The following SULT1B1 variants were observed in gnomAD, a reference collection of about 807,000 sequenced individuals.
SULT1B1 encodes the protein sulfotransferase family 1B member 1.
Under a neutral mutation model 34.6 loss-of-function variants are expected in SULT1B1, and 28 were observed. That is an observed-to-expected ratio of 0.81 (90% CI 0.60 to 1.11). The LOEUF is 1.11. SULT1B1 is among the 50% of genes least tolerant of loss of function. SULT1B1 has a pLI of 0.00. For synonymous variants in SULT1B1, 147 were observed against 110.2 expected, an observed-to-expected ratio of 1.33 and a Z score of -2.09; for missense variants, 374 against 352.2, an observed-to-expected ratio of 1.06 and a Z score of -0.50.
intron 4 of SULT1B1, among the ~76,000 whole-genome samples, chr4:69,734,942 C>T (rs548674916): frequency 3.3e-5 from 5 of 151,694 alleles, no homozygotes; most frequent in East Asian, 3.9e-4. Context: ...CCTCAGCCTC[C>T]GGAGTAGCTG....
chr4:69,725,430 A>T lies in SULT1B1; in HGVS notation c.*1658T>A, dbSNP rs1717796534. 6.6e-6 allele frequency: 1 copy of T among 152,226 alleles called. No individual in the cohort carries two copies. The highest frequency in any genetic ancestry group is 2.4e-5 in the African/African-American group (1 of 41,456). 9.4% of individuals were successfully genotyped at this position (152,226 alleles called of 1,614,324 possible). On this transcript the variant is annotated 3_prime_UTR_variant, in exon 8 of 8. Coordinates refer to ENST00000310613, the MANE Select transcript of SULT1B1 (RefSeq NM_014465.4). Reference sequence around the variant, plus strand: ...ACTTTTACACTTTTGGTGGGAGTGTAAACTAGTTCAACCATTGTGGAAGAC... The same window carrying T: ...ACTTTTACACTTTTGGTGGGAGTGTTAACTAGTTCAACCATTGTGGAAGAC...
At chr4:69,737,024 G>GA (rs144914746) in intron 4 of SULT1B1, among the ~76,000 whole-genome samples, 52 of 143,986 alleles carry the variant, frequency 3.6e-4, no homozygotes, top group African/African-American at 7.9e-4. Context: ...TCAAAAAAAG[G>GA]AAAAAAAAAA....
At position 69,749,798 on chromosome 4, in the gene SULT1B1, T is replaced by C; in HGVS notation, c.298A>G (p.Asn100Asp). 6.2e-7 allele frequency: 1 copy of C among 1,613,422 alleles called. No individual in the cohort carries two copies. Among genetic ancestry groups the C allele is most frequent in the Non-Finnish European group, 8.5e-7 (1 of 1,179,444 alleles). ...GTTTTCACAATCCGGGGTGATGGATTCTTCTCCAATTGTTCTATACCTGAG... is the reference window on the plus strand; with the variant it reads ...GTTTTCACAATCCGGGGTGATGGATCCTTCTCCAATTGTTCTATACCTGAG... ...RTSGIEQLEK[N>D]PSPRIVKTHL... The change falls in exon 4 of 8, where the codon AAT becomes GAT. Residue 100 changes from asparagine (N) to aspartate (D), a missense_variant. Transcript: ENST00000310613.
chr4:69,760,387 G>T (rs965311581), intron 1 of SULT1B1, 72 bp downstream of exon 1: 23 of 192,824 alleles, frequency 1.2e-4, no homozygotes, highest in South Asian at 5.3e-4. Flanking sequence ...AACAGAAATT[G>T]TTCTGAGGCA....
intron 1 of SULT1B1, 44 bp from the exon 2 acceptor site, chr4:69,755,305 T>C (rs1719147385): frequency 1.4e-6 from 2 of 1,477,428 alleles, no homozygotes; most frequent in East Asian, 4.6e-5. Context: ...GAGTAACTAA[T>C]GTTGGTCTTA....
intron 1 of SULT1B1, chr4:69,758,433 C>G (rs1560533473): frequency 1.0e-6 from 1 of 985,166 alleles, no homozygotes; most frequent in Non-Finnish European, 1.2e-6. Flanking sequence ...TGAAATAGCT[C>G]TTTCTGAAAC....
chr4:69,738,068 G>A (rs1451811173), intron 4 of SULT1B1, among the ~76,000 whole-genome samples: 3 of 152,062 alleles, frequency 2.0e-5, no homozygotes, highest in South Asian at 2.1e-4. Flanking sequence ...TTGTGTCCAC[G>A]TATACTCAAG....
chr4:69,744,822 G>C (rs971870682), intron 4 of SULT1B1, among the ~76,000 whole-genome samples: 1 of 152,132 alleles, frequency 6.6e-6, no homozygotes. Flanking sequence ...ATGTTAGGTT[G>C]TTAATGTGAG....
chr4:69,739,105 G>C lies in SULT1B1; in HGVS notation c.376-4841C>G, dbSNP rs567236382. ...CCTGGCTGCTTTCACAGCTGGTGTT[G>C]AGTGTGTACAGCTTTTCCAAGTGCA... On this transcript the variant is annotated intron_variant, in intron 4 of 7. Coordinates refer to ENST00000310613, the MANE Select transcript of SULT1B1 (RefSeq NM_014465.4). Among the ~76,000 whole-genome samples the C allele has an allele frequency of 1.3e-4, 20 of 152,304 alleles. 1 individual carries two copies. Among genetic ancestry groups the C allele is most frequent in the Admixed American group, 1.1e-3 (17 of 15,300 alleles).
intron 4 of SULT1B1, among the ~76,000 whole-genome samples, chr4:69,734,770 G>A (rs1314736255): frequency 1.3e-5 from 2 of 151,816 alleles, no homozygotes; most frequent in African/African-American, 4.8e-5. Context: ...AAATAAGTTT[G>A]GGGGCATCCA....
intron 4 of SULT1B1, among the ~76,000 whole-genome samples, chr4:69,747,692 G>A (rs1190090540): frequency 6.6e-6 from 1 of 152,128 alleles, no homozygotes; most frequent in African/African-American, 2.4e-5. Context: ...CAATTCTCTG[G>A]GAAGTTCTCC....
At chr4:69,738,513 C>G (rs559199860) in intron 4 of SULT1B1, among the ~76,000 whole-genome samples, 20 of 152,296 alleles carry the variant, frequency 1.3e-4, no homozygotes, top group Non-Finnish European at 2.4e-4. Context: ...AACTCACTCA[C>G]TATCATGAGA....
At chr4:69,759,341 G>T (rs574644151) in intron 1 of SULT1B1, among the ~76,000 whole-genome samples, 2 of 152,176 alleles carry the variant, frequency 1.3e-5, no homozygotes, top group Non-Finnish European at 2.9e-5. Context: ...AAAAATGTCC[G>T]TGATTTATCT....
At chr4:69,751,619 T>A (rs938391019) in intron 3 of SULT1B1, among the ~76,000 whole-genome samples, 19 of 152,032 alleles carry the variant, frequency 1.2e-4, no homozygotes, top group Non-Finnish European at 2.6e-4. Context: ...GCCCGGCTAA[T>A]TTTTTGTATA....
intron 1 of SULT1B1, among the ~76,000 whole-genome samples, chr4:69,756,172 G>A (rs1367962750): frequency 6.6e-6 from 1 of 152,024 alleles, no homozygotes; most frequent in South Asian, 2.1e-4. Flanking sequence ...AGCATACTAA[G>A]TACGGTTATA....
In SULT1B1 at chr4:69,726,179, A is replaced by T. The variant is rs762544584; in HGVS notation, c.*909T>A. ...ATTGGGTCAAGAGGGCAGAGTGGAGATTCAGCCTAGAGAGTCTTCCTTGGG... is the reference window on the plus strand; with the variant it reads ...ATTGGGTCAAGAGGGCAGAGTGGAGTTTCAGCCTAGAGAGTCTTCCTTGGG... On this transcript the variant is annotated 3_prime_UTR_variant, in exon 8 of 8. Coordinates refer to ENST00000310613, the MANE Select transcript of SULT1B1 (RefSeq NM_014465.4). The T allele has an allele frequency of 1.3e-5, 2 of 149,818 alleles. No homozygotes were observed. The highest frequency in any genetic ancestry group is 6.7e-5 in the Admixed American group (1 of 14,926). The allele number at this position is 149,818 out of a possible 1,614,324, so 9.3% of individuals were successfully genotyped here.
chr4:69,750,070 G>A (rs1718920285), intron 3 of SULT1B1, among the ~76,000 whole-genome samples: 1 of 152,108 alleles, frequency 6.6e-6, no homozygotes, highest in South Asian at 2.1e-4. Context: ...CACTTTGAAA[G>A]TATCTCAGAA....
At chr4:69,733,144 T>C (rs1456575193) in intron 6 of SULT1B1, among the ~76,000 whole-genome samples, 2 of 152,160 alleles carry the variant, frequency 1.3e-5, no homozygotes, top group Non-Finnish European at 2.9e-5. Flanking sequence ...TGTAAGCATG[T>C]GATATCCTGG....
In SULT1B1 at chr4:69,726,333, A is replaced by T. The variant is rs1462981599; in HGVS notation, c.*755T>A. 6.6e-6 allele frequency: 1 copy of T among 151,648 alleles called. No individual in the cohort carries two copies. The highest frequency in any genetic ancestry group is 1.9e-4 in the East Asian group (1 of 5,136). 9.4% of individuals were successfully genotyped at this position (151,648 alleles called of 1,614,324 possible). On this transcript the variant is annotated 3_prime_UTR_variant, in exon 8 of 8. Transcript: ENST00000310613. ...AGTTCCCAAATGGTGACCAGAACACAGCAGTAGGTGATTTCTCTGAAGTTC... is the reference window on the plus strand; with the variant it reads ...AGTTCCCAAATGGTGACCAGAACACTGCAGTAGGTGATTTCTCTGAAGTTC...
Sources: gnomAD v4.1 joint callset for allele counts (sites outside exome capture counted in the v4.1 genomes callset) on GRCh38, gnomAD v4.1.1 for gene constraint, MANE v1.5 for transcripts, NCBI Gene and HGNC (gene_info 2026-07-23, HGNC 2026-07-21) for gene names.